Variants in AIMP1 observed in about 807,000 individuals in gnomAD.
AIMP1 encodes the protein aminoacyl tRNA synthetase complex interacting multifunctional protein 1, also known as aminoacyl tRNA synthase complex-interacting multifunctional protein 1.
In AIMP1, 24 loss-of-function variants were observed where a neutral mutation model predicts 33.1. The observed-to-expected ratio is 0.73, with a 90% CI of 0.53 to 1.02. The LOEUF is 1.02. Among genes scored for constraint, AIMP1 ranks in the 50% least tolerant of loss-of-function variants. The pLI, the probability that AIMP1 is intolerant of heterozygous loss-of-function variation, is 0.00. For missense variants in AIMP1, 367 were observed against 364.8 expected (o/e 1.01, Z -0.05); for synonymous variants, 120 against 121.5 (o/e 0.99, Z 0.08).
chr4:106,331,195 A>G (rs1175375409), intron 4 of AIMP1, among the ~76,000 whole-genome samples: 1 of 152,178 alleles, frequency 6.6e-6, no homozygotes, highest in African/African-American at 2.4e-5. Flanking sequence ...TTCTTTCTAA[A>G]TAAAGTATTT....
chr4:106,338,094 A>C (rs1019513753), intron 6 of AIMP1, among the ~76,000 whole-genome samples: 8 of 152,196 alleles, frequency 5.3e-5, no homozygotes, highest in African/African-American at 1.9e-4. Context: ...GGTGCTCTTA[A>C]GCATTCAGTT....
intron 6 of AIMP1, among the ~76,000 whole-genome samples, chr4:106,346,623 A>T (rs1770311511): frequency 6.6e-6 from 1 of 152,186 alleles, no homozygotes; most frequent in African/African-American, 2.4e-5. Context: ...TATCATCATT[A>T]GCTAGAGAAA....
intron 6 of AIMP1, among the ~76,000 whole-genome samples, chr4:106,346,556 T>G (rs1179896801): frequency 6.6e-6 from 1 of 152,142 alleles, no homozygotes; most frequent in Non-Finnish European, 1.5e-5. Context: ...CATTACTCCT[T>G]TCTGTTTCTT....
Position 106,337,043 on chromosome 4 carries a change from T to A in AIMP1, c.772+6T>A. 1 of 1,611,508 alleles carries A rather than the reference T, an allele frequency of 6.2e-7. No homozygotes were observed. The highest frequency in any genetic ancestry group is 1.3e-5 in the African/African-American group (1 of 74,960). ...TACTTTTGATGCTTTCCCAGGTAGG[T>A]ATTTATTAGTAATTACTTAATAGTT... On this transcript the variant is annotated splice_donor_region_variant and intron_variant, in intron 6 of 6. Transcript: ENST00000672341.
intron 5 of AIMP1, among the ~76,000 whole-genome samples, chr4:106,333,689 C>A (rs899947343): frequency 6.6e-6 from 1 of 152,030 alleles, no homozygotes; most frequent in Non-Finnish European, 1.5e-5. Context: ...AAATTTAATT[C>A]TTTCTATAGT....
intron 6 of AIMP1, among the ~76,000 whole-genome samples, chr4:106,346,508 A>T (rs1206778069): frequency 6.6e-6 from 1 of 152,122 alleles, no homozygotes; most frequent in African/African-American, 2.4e-5. Context: ...AGGCAACAAT[A>T]TATGTTCCTA....
intron 1 of AIMP1, among the ~76,000 whole-genome samples, chr4:106,322,157 A>C (rs921192852): frequency 1.3e-5 from 2 of 152,220 alleles, no homozygotes; most frequent in African/African-American, 2.4e-5. Context: ...AGAAGGCGGC[A>C]GGGCCCTCTG....
chr4:106,332,072 G>A (rs951692631), intron 5 of AIMP1, among the ~76,000 whole-genome samples, 189 bp downstream of exon 5: 1 of 151,946 alleles, frequency 6.6e-6, no homozygotes, highest in African/African-American at 2.4e-5. Context: ...TAAAACATCT[G>A]TAAATTAAGA....
At position 106,347,868 on chromosome 4, in the gene AIMP1, T is replaced by C. The variant is rs553372007; in HGVS notation, c.*176T>C. 52 of 582,082 alleles carry C rather than the reference T, an allele frequency of 8.9e-5. No individual in the cohort carries two copies. Among genetic ancestry groups the C allele is most frequent in the Non-Finnish European group, 1.4e-4 (48 of 354,532 alleles). 36.1% of individuals were successfully genotyped at this position (582,082 alleles called of 1,614,324 possible). A position where few individuals can be genotyped will look rare whatever the true frequency, so the allele number is the denominator to read the frequency against. The stretch of plus-strand genomic sequence containing the variant: ...ATTGATTGGGGAAACACTAGATTTT[T>C]ACCTCGGTTTTTGATCATTTATAAT... On this transcript the variant is annotated 3_prime_UTR_variant, in exon 7 of 7. Coordinates refer to ENST00000672341, the MANE Select transcript of AIMP1 (RefSeq NM_001142416.2).
intron 6 of AIMP1, among the ~76,000 whole-genome samples, chr4:106,343,145 TTCC>T (rs1480109618): frequency 6.6e-6 from 1 of 152,154 alleles, no homozygotes; most frequent in African/African-American, 2.4e-5. Flanking sequence ...TTTTACTGTC[TTCC>T]TAGTACAATC....
At chr4:106,316,748 A>G (rs564380573) in intron 1 of AIMP1, 154 bp downstream of exon 1, 2 of 646,614 alleles carry the variant, frequency 3.1e-6, no homozygotes, top group Non-Finnish European at 5.1e-6. Flanking sequence ...CTAAGGAAAC[A>G]GGAAAGAGTT....
At chr4:106,346,828 TAATC>T (rs1203806914) in intron 6 of AIMP1, among the ~76,000 whole-genome samples, 1 of 152,166 alleles carries the variant, frequency 6.6e-6, no homozygotes, top group Non-Finnish European at 1.5e-5. Flanking sequence ...ATGAGTATAT[TAATC>T]CATTCATGCA....
At chr4:106,337,090 A>C in intron 6 of AIMP1, 53 bp downstream of exon 6, 1 of 1,469,814 alleles carries the variant, frequency 6.8e-7, no homozygotes, top group Admixed American at 1.7e-5. Context: ...TCTCAAAGTG[A>C]TGTTTGTAAT....
At chr4:106,324,157 A>G (rs1220944119) in intron 1 of AIMP1, among the ~76,000 whole-genome samples, 1 of 152,002 alleles carries the variant, frequency 6.6e-6, no homozygotes, top group East Asian at 1.9e-4. Flanking sequence ...GTACTGCTTC[A>G]TTTATTTAAA....
Position 106,328,176 on chromosome 4 carries a change from T to G in AIMP1, c.324T>G (p.Gly108=), listed in dbSNP as rs1245960698. ...QSTAVTTVSS[G]TKEQIKGGTG... is the part of the protein sequence containing the mutation. Reference sequence around the variant, plus strand: ...CAGCAGTAACAACCGTATCTTCTGGTACCAAAGAACAGATAAAAGGAGGAA... The same window carrying G: ...CAGCAGTAACAACCGTATCTTCTGGGACCAAAGAACAGATAAAAGGAGGAA... The change falls in exon 4 of 7, where the codon GGT becomes GGG. Residue 108 remains glycine (G), a synonymous_variant. Transcript: ENST00000672341. 6.2e-7 allele frequency: 1 copy of G among 1,613,264 alleles called. No homozygotes were observed. The highest frequency in any genetic ancestry group is 1.7e-5 in the Admixed American group (1 of 59,940).
chr4:106,328,313 T>C (rs1769538430), intron 4 of AIMP1, 70 bp downstream of exon 4: 3 of 1,485,746 alleles, frequency 2.0e-6, no homozygotes, highest in Middle Eastern at 1.8e-4. Flanking sequence ...TTGATAATGA[T>C]AATAATAATA....
chr4:106,316,507 G>C (rs1215976674), upstream of AIMP1: 2 of 1,549,222 alleles, frequency 1.3e-6, no homozygotes, highest in African/African-American at 2.7e-5. Context: ...ACCTCATTGG[G>C]TCCTTTCTCA....
At chr4:106,343,351 A>G (rs1429719324) in intron 6 of AIMP1, among the ~76,000 whole-genome samples, 1 of 152,184 alleles carries the variant, frequency 6.6e-6, no homozygotes, top group East Asian at 1.9e-4. Context: ...ATGTTTTAAA[A>G]TTCTCCGTTA....
At chr4:106,324,902 T>C in intron 1 of AIMP1, 83 bp from the exon 2 acceptor site, 1 of 1,177,052 alleles carries the variant, frequency 8.5e-7, no homozygotes, top group South Asian at 2.4e-5. Flanking sequence ...ATGTTTTTCC[T>C]TTCAGACTGC....
Sources: gnomAD v4.1 joint callset for allele counts (sites outside exome capture counted in the v4.1 genomes callset) on GRCh38, gnomAD v4.1.1 for gene constraint, MANE v1.5 for transcripts, NCBI Gene and HGNC (gene_info 2026-07-23, HGNC 2026-07-21) for gene names.